The following COPB1 variants were observed in gnomAD, a reference collection of about 807,000 sequenced individuals.
The protein encoded by COPB1 is coatomer subunit beta.
In COPB1, 21 loss-of-function variants were observed where a neutral mutation model predicts 108.7. The ratio of observed to expected loss-of-function variants is 0.19; its 90% CI spans 0.14 to 0.28. The LOEUF (loss-of-function observed/expected upper bound fraction) is 0.28, where lower values mean the gene tolerates loss of function less well. COPB1 is among the 10% of genes least tolerant of loss of function. COPB1 has a pLI of 1.00. For missense variants in COPB1, 919 were observed against 1,141.3 expected (o/e 0.81, Z 2.81); for synonymous variants, 378 against 386.8 (o/e 0.98, Z 0.27).
Position 14,490,667 on chromosome 11 carries a change from A to G in COPB1, c.504T>C (p.His168=), listed in dbSNP as rs909154223. 1 of 1,599,186 alleles carries G rather than the reference A, an allele frequency of 6.3e-7. No homozygotes were observed. The highest frequency in any genetic ancestry group is 8.5e-7 in the Non-Finnish European group (1 of 1,173,270). The part of the protein sequence containing the change: ...AIYTIYRNFE[H]LIPDAPELIH... ...TCAGTTCAGGAGCATCAGGTATAAG[A>G]TGTTCAAAATTTCTTTAAATAAAAC... The change falls in exon 5 of 22, where the codon CAT becomes CAC. Residue 168 remains histidine (H), a synonymous_variant. Coordinates refer to ENST00000439561, the MANE Select transcript of COPB1 (RefSeq NM_001144061.2).
chr11:14,480,003 T>A (rs1054974608), intron 10 of COPB1, among the ~76,000 whole-genome samples: 3 of 152,106 alleles, frequency 2.0e-5, no homozygotes, highest in African/African-American at 7.2e-5. Context: ...AGGGTCTCCC[T>A]ATATTGCCCT....
chr11:14,479,014 A>T (rs1248923343), intron 11 of COPB1: 3 of 150,846 alleles, frequency 2.0e-5, no homozygotes. Flanking sequence ...CTTCTCACAA[A>T]GGAAGCAAAT....
chr11:14,470,117 A>T (rs1170696611), intron 14 of COPB1, among the ~76,000 whole-genome samples: 1 of 152,172 alleles, frequency 6.6e-6, no homozygotes, highest in Non-Finnish European at 1.5e-5. Context: ...AAATCTCCCT[A>T]AATTGTCTTA....
intron 4 of COPB1, among the ~76,000 whole-genome samples, chr11:14,492,243 C>T (rs1850919670): frequency 1.3e-5 from 2 of 151,964 alleles, no homozygotes; most frequent in South Asian, 4.2e-4. Context: ...CTATAAATGG[C>T]CTAATTTTTC....
Position 14,498,832 on chromosome 11 carries a change from G to T in COPB1, c.91+6C>A. ...ATTTCATTCTCAAAATAATATCGAA[G>T]TTTACCTAGATCATTTTTTAAGCTA... On this transcript the variant is annotated splice_donor_region_variant and intron_variant, in intron 2 of 21. Transcript: ENST00000439561. 1.3e-6 allele frequency: 2 copies of T among 1,581,656 alleles called. No individual in the cohort carries two copies. Among genetic ancestry groups the T allele is most frequent in the Non-Finnish European group, 8.6e-7 (1 of 1,165,708 alleles).
rs1850145267 is a variant in COPB1, at chr11:14,461,350, A to G, written c.2411-19T>C. ...TCATAAACTGCAATTACATATACAA[A>G]AAGATTCGCAATCACTGGGGCAAAC... On this transcript the variant is annotated intron_variant, in intron 18 of 21. Coordinates refer to ENST00000439561, the MANE Select transcript of COPB1 (RefSeq NM_001144061.2). The G allele has an allele frequency of 1.2e-6, 2 of 1,605,292 alleles. No homozygotes were observed. Among genetic ancestry groups the G allele is most frequent in the Non-Finnish European group, 1.7e-6 (2 of 1,175,738 alleles).
At chr11:14,461,440 T>C in intron 18 of COPB1, 109 bp from the exon 19 acceptor site, 1 of 1,096,948 alleles carries the variant, frequency 9.1e-7, no homozygotes, top group South Asian at 1.6e-5. Context: ...TAAGATTGTT[T>C]ATATAATACT....
rs796691103 is a variant in COPB1 at position 14,476,765 on chromosome 11, T to C, written c.1455+154A>G. Among the ~76,000 whole-genome samples the C allele has an allele frequency of 3.4e-4, 48 of 142,290 alleles. No homozygotes were observed. The South Asian group carries it at 8.3e-3, about 24-fold the overall frequency. The allele number at this position is 142,290 out of a possible 152,430, so 93.3% of individuals were successfully genotyped here. A position where few individuals can be genotyped will look rare whatever the true frequency, so the allele number is the denominator to read the frequency against. ...AGAATTTTACAAGCTACTGCTTCTT[T>C]TTTTTTTTTTTTTTTTTAATAAACA... On this transcript the variant is annotated intron_variant, in intron 12 of 21. Transcript: ENST00000439561.
chr11:14,487,543 C>A (rs750560480), intron 6 of COPB1, among the ~76,000 whole-genome samples: 1 of 151,938 alleles, frequency 6.6e-6, no homozygotes, highest in Non-Finnish European at 1.5e-5. Flanking sequence ...GATACGGTGG[C>A]GTGCACCTGT....
chr11:14,483,235 CA>C, intron 7 of COPB1, 84 bp from the exon 8 acceptor site: 1 of 552,280 alleles, frequency 1.8e-6, no homozygotes. Context: ...ACACCACACA[CA>C]CACACACACA....
At chr11:14,481,245 T>C (rs565918023) in intron 8 of COPB1, 148 bp from the exon 9 acceptor site, 129 of 621,330 alleles carry the variant, frequency 2.1e-4, no homozygotes, top group Admixed American at 3.2e-4. Flanking sequence ...ACTAGATAGT[T>C]TGGGTCTCCT....
chr11:14,473,271 T>G (rs1850447193), intron 14 of COPB1, among the ~76,000 whole-genome samples: 1 of 152,172 alleles, frequency 6.6e-6, no homozygotes, highest in South Asian at 2.1e-4. Flanking sequence ...GCCAAATGTT[T>G]CACTTTCTTA....
In COPB1 at chr11:14,476,962, T is replaced by C; in HGVS notation, c.1412A>G (p.Asp471Gly). Residue 471 changes from aspartate (D) to glycine (G), a missense_variant, in exon 12 of 22, where the codon GAC becomes GGC. Physicochemically the swap from Asp to Gly is moderately conservative, Grantham distance 94. This residue lies in a region of COPB1 where 705 missense variants were observed against 817.8 expected (regional missense o/e 0.86). Coordinates refer to ENST00000439561, the MANE Select transcript of COPB1 (RefSeq NM_001144061.2). ...ILGEYCSTKE[D>G]IQSVMTEIRR... ...GATCTCAGTCATCACACTCTGAATG[T>C]CTTCCTTGGTACTACAGTATTCTCC... is the stretch of plus-strand genomic sequence containing the variant. 1 of 1,613,062 alleles carries C rather than the reference T, an allele frequency of 6.2e-7. No individual in the cohort carries two copies.
intron 7 of COPB1, among the ~76,000 whole-genome samples, chr11:14,484,182 AAAT>A (rs1391208542): frequency 6.6e-6 from 1 of 152,248 alleles, no homozygotes; most frequent in Non-Finnish European, 1.5e-5. Context: ...AGGTCATGAA[AAAT>A]AATAAGTGAC....
rs780418905 is a variant in COPB1 at position 14,468,816 on chromosome 11, G to A, written c.2010C>T (p.Pro670=). The A allele has an allele frequency of 1.2e-6, 2 of 1,613,994 alleles. No homozygotes were observed. The highest frequency in any genetic ancestry group is 1.7e-6 in the Non-Finnish European group (2 of 1,179,924). The change falls in exon 16 of 22, where the codon CCC becomes CCT. Residue 670 remains proline (P), a synonymous_variant. Transcript: ENST00000439561. ...TAGCAGTTAGTTGCATGAAGGAAATGGGGTCATCAGGCTGTACTGTCACAT... is the reference window on the plus strand; with the variant it reads ...TAGCAGTTAGTTGCATGAAGGAAATAGGGTCATCAGGCTGTACTGTCACAT... ...KRNVTVQPDD[P]ISFMQLTAKN...
intron 2 of COPB1, among the ~76,000 whole-genome samples, chr11:14,495,776 C>T (rs1162398439): frequency 1.3e-5 from 2 of 152,150 alleles, no homozygotes; most frequent in African/African-American, 4.8e-5. Context: ...ATTGTTCCAA[C>T]TAAGGGCAGA....
Position 14,459,176 on chromosome 11 carries a change from T to C in COPB1, c.2647-489A>G, listed in dbSNP as rs537910112. ...TACATGTAAAAAGTGTGAATTTTAC[T>C]GTGTATTATACCTCAATAAATCTGA... On this transcript the variant is annotated intron_variant, in intron 20 of 21. Transcript: ENST00000439561. Among the ~76,000 whole-genome samples the C allele has an allele frequency of 1.6e-3, 250 of 152,342 alleles. 1 individual carries two copies. Among genetic ancestry groups the C allele is most frequent in the Admixed American group, 3.7e-3 (57 of 15,302 alleles).
rs140921247 is a variant in COPB1 at position 14,474,615 on chromosome 11, T to A, written c.1617A>T (p.Arg539Ser). The A allele has an allele frequency of 5.3e-4, 852 of 1,612,232 alleles. 2 individuals carry two copies. The highest frequency in any genetic ancestry group is 6.6e-4 in the Non-Finnish European group (783 of 1,179,460). ...SSRPTKKEED[R>S]PPLRGFLLDG... The stretch of plus-strand genomic sequence containing the variant: ...CCAGAAGGAATCCTCTCAAGGGAGG[T>A]CTGCAAAGCAACCAAGGAAAATCAA... The change falls in exon 14 of 22, where the codon AGA becomes AGT. Residue 539 changes from arginine to serine, a missense_variant and splice_region_variant. Arg to Ser is a moderately radical substitution (Grantham distance 110). Transcript: ENST00000439561.
At chr11:14,484,737 A>G (rs947487941) in intron 7 of COPB1, among the ~76,000 whole-genome samples, 1 of 152,156 alleles carries the variant, frequency 6.6e-6, no homozygotes, top group Non-Finnish European at 1.5e-5. Flanking sequence ...AAACAAAACA[A>G]AAAAACAACA....
Sources: gnomAD v4.1 joint callset for allele counts (sites outside exome capture counted in the v4.1 genomes callset) on GRCh38, gnomAD v4.1.1 for gene constraint, gnomAD v4.1.1 regional missense constraint, MANE v1.5 for transcripts, NCBI Gene and HGNC (gene_info 2026-07-23, HGNC 2026-07-21) for gene names.